Variants in PLCL1 observed in about 807,000 individuals in gnomAD.
PLCL1 encodes inactive phospholipase C-like protein 1.
In PLCL1, 41 loss-of-function variants were observed where a neutral mutation model predicts 84.4. The ratio of observed to expected loss-of-function variants is 0.49; its 90% CI spans 0.38 to 0.63. The LOEUF is 0.63. Among genes scored for constraint, PLCL1 ranks in the 30% least tolerant of loss-of-function variants. The pLI, the probability that PLCL1 is intolerant of heterozygous loss-of-function variation, is 0.00. For missense variants in PLCL1, 1,206 were observed against 1,367.8 expected, an observed-to-expected ratio of 0.88 and a Z score of 1.87; for synonymous variants, 490 against 488.3, an observed-to-expected ratio of 1.00 and a Z score of -0.05.
chr2:197,982,880 T>G (rs556908441), intron 1 of PLCL1, among the ~76,000 whole-genome samples: 1 of 152,326 alleles, frequency 6.6e-6, no homozygotes, highest in South Asian at 2.1e-4. Flanking sequence ...GATTCAAAAC[T>G]TTTAAATATC....
rs954265750 is a variant in PLCL1, at chr2:197,986,971, G to A, written c.241-96787G>A. ...TACGAAGTTAAGCCACTTGCCTAAG[G>A]CCATACAACTCTAAAGGGTGAAGGA... is the stretch of plus-strand genomic sequence containing the variant. On this transcript the variant is annotated intron_variant, in intron 1 of 5. Transcript: ENST00000428675. Among the ~76,000 whole-genome samples, 4 of 152,144 alleles carry A rather than the reference G, an allele frequency of 2.6e-5. 1 individual carries two copies. Among genetic ancestry groups the A allele is most frequent in the African/African-American group, 7.2e-5 (3 of 41,412 alleles).
intron 1 of PLCL1, among the ~76,000 whole-genome samples, chr2:197,964,858 T>G (rs1850633): frequency 0.49 from 74,911 of 151,998 alleles, 18,986 homozygotes; most frequent in African/African-American, 0.58. Context: ...GTTTTTTATC[T>G]TTTATTCTAT....
At chr2:198,056,466 C>G (rs1297331934) in intron 1 of PLCL1, among the ~76,000 whole-genome samples, 1 of 152,156 alleles carries the variant, frequency 6.6e-6, no homozygotes, top group Non-Finnish European at 1.5e-5. Flanking sequence ...AGCTATCTCT[C>G]CTTTGAGCCA....
chr2:197,898,547 T>C (rs1056006756), intron 1 of PLCL1, among the ~76,000 whole-genome samples: 24 of 151,922 alleles, frequency 1.6e-4, no homozygotes, highest in African/African-American at 5.6e-4. Context: ...ATTTATAAAA[T>C]GTACTGCAAG....
At chr2:197,960,032 G>A (rs990492176) in intron 1 of PLCL1, among the ~76,000 whole-genome samples, 12 of 152,130 alleles carry the variant, frequency 7.9e-5, no homozygotes, top group African/African-American at 2.9e-4. Context: ...GAATGCCCGA[G>A]CTTGGGCTGG....
chr2:198,060,157 C>T (rs1033141406), intron 1 of PLCL1, among the ~76,000 whole-genome samples: 2 of 152,146 alleles, frequency 1.3e-5, no homozygotes, highest in African/African-American at 4.8e-5. Flanking sequence ...ATGAAGAAAT[C>T]AGAAACGACC....
intron 5 of PLCL1, among the ~76,000 whole-genome samples, chr2:198,125,311 C>T (rs1693959396): frequency 6.6e-6 from 1 of 151,952 alleles, no homozygotes; most frequent in African/African-American, 2.4e-5. Context: ...TGGGGTTTTG[C>T]ATTTTGTGAG....
chr2:198,131,504 A>T (rs1348790879), intron 5 of PLCL1, among the ~76,000 whole-genome samples: 1 of 152,202 alleles, frequency 6.6e-6, no homozygotes, highest in African/African-American at 2.4e-5. Flanking sequence ...CATTTAGCAT[A>T]TGAGGTCAAA....
At chr2:197,912,882 C>G (rs1269626059) in intron 1 of PLCL1, among the ~76,000 whole-genome samples, 1 of 142,906 alleles carries the variant, frequency 7.0e-6, no homozygotes, top group African/African-American at 2.6e-5. Flanking sequence ...AGCGCACCAG[C>G]ATGGCACATG....
chr2:197,882,652 C>T (rs1016408299), intron 1 of PLCL1, among the ~76,000 whole-genome samples: 23 of 152,176 alleles, frequency 1.5e-4, no homozygotes, highest in African/African-American at 5.5e-4. Context: ...ACATAGTCTG[C>T]ATACCACAAA....
At chr2:198,075,228 T>C (rs1039207590) in intron 1 of PLCL1, among the ~76,000 whole-genome samples, 1 of 152,184 alleles carries the variant, frequency 6.6e-6, no homozygotes, top group Admixed American at 6.5e-5. Flanking sequence ...CCAAGCCCAC[T>C]TGGTTCTTGG....
intron 1 of PLCL1, among the ~76,000 whole-genome samples, chr2:198,058,383 G>A (rs1692115657): frequency 6.6e-6 from 1 of 151,882 alleles, no homozygotes; most frequent in Non-Finnish European, 1.5e-5. Flanking sequence ...TACTGTAAAG[G>A]AGGAAGAATT....
intron 5 of PLCL1, among the ~76,000 whole-genome samples, chr2:198,123,765 C>A (rs1253508480): frequency 6.6e-6 from 1 of 152,070 alleles, no homozygotes; most frequent in Non-Finnish European, 1.5e-5. Flanking sequence ...GCATTAGATT[C>A]TCATAGGAAT....
At chr2:198,041,997 T>G (rs186592344) in intron 1 of PLCL1, among the ~76,000 whole-genome samples, 58 of 152,334 alleles carry the variant, frequency 3.8e-4, no homozygotes, top group African/African-American at 1.1e-3. Flanking sequence ...TGAATCATGA[T>G]TGGTCTAACC....
At position 198,085,722 on chromosome 2, in the gene PLCL1, G is replaced by T; in HGVS notation, c.2205G>T (p.Lys735Asn). The T allele has an allele frequency of 6.2e-7, 1 of 1,614,132 alleles. No individual in the cohort carries two copies. The change falls in exon 2 of 6, where the codon AAG (lysine) becomes AAT (asparagine). Residue 735 changes from lysine to asparagine, a missense_variant. Transcript: ENST00000428675. The surrounding 1 kb of genome is among the most constrained non-coding windows in gnomAD (Gnocchi z 5.3). Reference sequence around the variant, plus strand: ...TCATCAGTGGTCAGAATTTCCCAAAGCCCAAGGGAGCTTGTGCCAAAGGGG... The same window carrying T: ...TCATCAGTGGTCAGAATTTCCCAAATCCCAAGGGAGCTTGTGCCAAAGGGG... Reference protein sequence around the residue: ...IKIISGQNFPKPKGACAKGDV... With the variant: ...IKIISGQNFPNPKGACAKGDV...
intron 5 of PLCL1, among the ~76,000 whole-genome samples, chr2:198,122,779 C>T (rs1349883440): frequency 6.6e-6 from 1 of 152,076 alleles, no homozygotes; most frequent in Non-Finnish European, 1.5e-5. Context: ...ATGTAAAATA[C>T]ACTTAACAAC....
rs578072488 is a variant in PLCL1 at position 197,819,324 on chromosome 2, T to G, written c.240+13985T>G. ...TGGGGGCTGCAAAGTAGAGAAGACCTTGAATTAAACATGACATTGAAATTT... is the reference window on the plus strand; with the variant it reads ...TGGGGGCTGCAAAGTAGAGAAGACCGTGAATTAAACATGACATTGAAATTT... On this transcript the variant is annotated intron_variant, in intron 1 of 5. Coordinates refer to ENST00000428675, the MANE Select transcript of PLCL1 (RefSeq NM_006226.4). Among the ~76,000 whole-genome samples, 17 of 152,190 alleles carry G rather than the reference T, an allele frequency of 1.1e-4. No homozygotes were observed. In the South Asian group the frequency reaches 2.5e-3, roughly 22 times the overall value.
At chr2:198,032,576 A>G (rs1165274471) in intron 1 of PLCL1, among the ~76,000 whole-genome samples, 1 of 152,164 alleles carries the variant, frequency 6.6e-6, no homozygotes, top group Admixed American at 6.6e-5. Context: ...TTTTTAGGCC[A>G]GTACATCTCA....
At chr2:197,839,220 C>T (rs1272314378) in intron 1 of PLCL1, among the ~76,000 whole-genome samples, 1 of 152,134 alleles carries the variant, frequency 6.6e-6, no homozygotes, top group Admixed American at 6.5e-5. Context: ...AACAGGGTAC[C>T]TTTACAAAAA....
Sources: allele counts gnomAD v4.1 joint callset (sites outside exome capture counted in the v4.1 genomes callset), GRCh38; gene constraint gnomAD v4.1.1; non-coding constraint Gnocchi (gnomAD v3.1); transcripts MANE v1.5; gene names NCBI Gene and HGNC (gene_info 2026-07-23, HGNC 2026-07-21).